The following ARHGEF17 variants were observed in gnomAD, a reference collection of about 807,000 sequenced individuals.
ARHGEF17 encodes the protein Rho guanine nucleotide exchange factor 17, also known as 164 kDa Rho-specific guanine-nucleotide exchange factor.
Under a neutral mutation model 174.0 loss-of-function variants are expected in ARHGEF17, and 80 were observed. The ratio of observed to expected loss-of-function variants is 0.46; its 90% CI spans 0.38 to 0.55. The LOEUF is 0.55. ARHGEF17 is among the 20% of genes least tolerant of loss of function. The probability of loss-of-function intolerance (pLI) is 0.00; values close to 1 mark genes in which losing one functional copy is unlikely to be tolerated. For missense variants in ARHGEF17, 2,886 were observed against 2,839.7 expected, an observed-to-expected ratio of 1.02 and a Z score of -0.37; for synonymous variants, 1,311 against 1,189.1, an observed-to-expected ratio of 1.10 and a Z score of -2.11.
rs755272795 is a variant in ARHGEF17, at chr11:73,310,390, C to A, written c.1752C>A (p.Pro584=). The change falls in exon 1 of 21, where the codon CCC becomes CCA. Residue 584 remains proline (P), a synonymous_variant. Coordinates refer to ENST00000263674, the MANE Select transcript of ARHGEF17 (RefSeq NM_014786.4). The stretch of plus-strand genomic sequence containing the variant: ...CTGGTGCCGAGGAGGATCCGCTGCC[C>A]CTCATCGTCCAGGACCAATATGTGC... ...TGPGAEEDPL[P]LIVQDQYVQE... 3.7e-6 allele frequency: 6 copies of A among 1,613,978 alleles called. No homozygotes were observed. In the South Asian group the frequency reaches 6.6e-5, roughly 18 times the overall value.
intron 9 of ARHGEF17, among the ~76,000 whole-genome samples, chr11:73,359,632 CT>C (rs1349651044): frequency 6.6e-6 from 1 of 152,236 alleles, no homozygotes; most frequent in Non-Finnish European, 1.5e-5. Flanking sequence ...TGAATCAGGC[CT>C]AGTCCCCAGC....
chr11:73,320,169 G>A (rs1289885237), intron 1 of ARHGEF17, among the ~76,000 whole-genome samples: 1 of 152,058 alleles, frequency 6.6e-6, no homozygotes, highest in African/African-American at 2.4e-5. Flanking sequence ...TCATCCCTGA[G>A]AGGCCTAGGG....
intron 3 of ARHGEF17, 29 bp downstream of exon 3, chr11:73,353,041 A>C: frequency 6.2e-7 from 1 of 1,611,294 alleles, no homozygotes; most frequent in Non-Finnish European, 8.5e-7. Flanking sequence ...GCCAATTCCC[A>C]CAAGCACAGG....
At chr11:73,349,314 T>C (rs538476085) in intron 2 of ARHGEF17, among the ~76,000 whole-genome samples, 17 of 152,220 alleles carry the variant, frequency 1.1e-4, no homozygotes, top group African/African-American at 3.9e-4. Flanking sequence ...CTATCTCCCA[T>C]CAAGAAGACT....
chr11:73,308,466 C>G lies in ARHGEF17; in HGVS notation c.-173C>G, dbSNP rs1057235548. The G allele has an allele frequency of 5.2e-6, 3 of 572,248 alleles. No individual in the cohort carries two copies. The highest frequency in any genetic ancestry group is 4.4e-5 in the Admixed American group (1 of 22,798). 35.4% of individuals were successfully genotyped at this position (572,248 alleles called of 1,614,324 possible). A position where few individuals can be genotyped will look rare whatever the true frequency, so the allele number is the denominator to read the frequency against. ...GGGATGGAGACGTTGCGGCCGGTGG[C>G]CACAGAAACTTGAGCCGCGGCAGAG... On this transcript the variant is annotated 5_prime_UTR_variant, in exon 1 of 21. Transcript: ENST00000263674.
At position 73,309,430 on chromosome 11, in the gene ARHGEF17, C is replaced by A. The variant is rs1341598589; in HGVS notation, c.792C>A (p.Ala264=). 4 of 1,545,306 alleles carry A rather than the reference C, an allele frequency of 2.6e-6. No individual in the cohort carries two copies. The highest frequency in any genetic ancestry group is 1.4e-5 in the African/African-American group (1 of 72,626). Residue 264 remains alanine, a synonymous_variant, in exon 1 of 21, where the codon GCC becomes GCA. Transcript: ENST00000263674. The part of the protein sequence containing the change: ...EEEGPPQLPG[A]QSPAYHGGHS... ...AGGGCCCGCCGCAGCTGCCTGGAGC[C>A]CAGAGTCCGGCCTACCACGGCGGCC...
chr11:73,360,173 T>C (rs1214285038), intron 10 of ARHGEF17, 147 bp from the exon 11 acceptor site: 1 of 934,322 alleles, frequency 1.1e-6, no homozygotes, highest in Non-Finnish European at 1.6e-6. Flanking sequence ...AGAGGCCCCA[T>C]CCCCCATATA....
intron 6 of ARHGEF17, 153 bp downstream of exon 6, chr11:73,356,504 C>A: frequency 8.8e-7 from 1 of 1,130,764 alleles, no homozygotes; most frequent in Non-Finnish European, 1.3e-6. Context: ...GCCTCTGTGG[C>A]CACACGTCTC....
intron 2 of ARHGEF17, among the ~76,000 whole-genome samples, chr11:73,349,340 C>T (rs1049033492): frequency 6.6e-6 from 1 of 152,122 alleles, no homozygotes; most frequent in African/African-American, 2.4e-5. Context: ...GTGAGCCAGG[C>T]GCGGAGGCTC....
At chr11:73,356,972 G>T (rs975243253) in intron 7 of ARHGEF17, 53 bp from the exon 8 acceptor site, 1 of 1,586,280 alleles carries the variant, frequency 6.3e-7, no homozygotes, top group Non-Finnish European at 8.6e-7. Context: ...GGGCAGGGGG[G>T]TGGGCTTCTG....
intron 1 of ARHGEF17, among the ~76,000 whole-genome samples, chr11:73,312,383 G>A (rs1158671670): frequency 6.6e-6 from 1 of 152,174 alleles, no homozygotes; most frequent in African/African-American, 2.4e-5. Context: ...TTATGGAGGA[G>A]CAGAGGGGGC....
chr11:73,325,692 T>G (rs1219587076), intron 1 of ARHGEF17, among the ~76,000 whole-genome samples: 2 of 152,130 alleles, frequency 1.3e-5, no homozygotes, highest in Non-Finnish European at 2.9e-5. Context: ...AAAGTTGGAG[T>G]AGATTGGGGC....
intron 1 of ARHGEF17, among the ~76,000 whole-genome samples, chr11:73,329,949 C>T (rs1419657632): frequency 1.3e-5 from 2 of 152,190 alleles, no homozygotes; most frequent in Admixed American, 1.3e-4. Flanking sequence ...ATCTCACCAA[C>T]TCAGACCTTT....
At position 73,356,068 on chromosome 11, in the gene ARHGEF17, A is replaced by G. The variant is rs990863998; in HGVS notation, c.3664-107A>G. 3.8e-6 allele frequency: 6 copies of G among 1,572,866 alleles called. No individual in the cohort carries two copies. In the African/African-American group the frequency reaches 8.1e-5, roughly 21 times the overall value. ...ACATCAGGGTCCCTAGGGGACAGGT[A>G]GGAAAGATAGTCCTCTTTGGTGTCT... On this transcript the variant is annotated intron_variant, in intron 5 of 20. Transcript: ENST00000263674.
chr11:73,355,983 C>A, intron 5 of ARHGEF17, 30 bp downstream of exon 5: 1 of 1,612,956 alleles, frequency 6.2e-7, no homozygotes, highest in South Asian at 1.1e-5. Flanking sequence ...GGCAAGTGGG[C>A]AAGGCCTGGA....
rs752564576 is a variant in ARHGEF17, at chr11:73,311,534, TTTA to T, written c.2898_2900del (p.Phe966_Met967delinsLeu). On this transcript the variant is annotated inframe_deletion, in exon 1 of 21. Transcript: ENST00000263674. ...TCGCCATGCCAGTGTGCCCGCCACA[TTTA>T]TGCCTATTGTGGTGCCTGAGCCACC... 1 of 1,613,500 alleles carries T rather than the reference TTTA, an allele frequency of 6.2e-7. No individual in the cohort carries two copies. Among genetic ancestry groups the T allele is most frequent in the Admixed American group, 1.7e-5 (1 of 60,030 alleles).
intron 18 of ARHGEF17, 173 bp downstream of exon 18, chr11:73,364,773 C>G: frequency 1.3e-6 from 1 of 773,352 alleles, no homozygotes; most frequent in East Asian, 2.8e-5. Flanking sequence ...CTCATTTCTT[C>G]TGTAGCTGAT....
At chr11:73,324,416 G>A (rs1865068934) in intron 1 of ARHGEF17, among the ~76,000 whole-genome samples, 1 of 152,186 alleles carries the variant, frequency 6.6e-6, no homozygotes, top group South Asian at 2.1e-4. Context: ...GCTCCTCTCA[G>A]CTCCCCTTAC....
In ARHGEF17 at chr11:73,352,967, G is replaced by A; in HGVS notation, c.3408G>A (p.Gln1136=). The A allele has an allele frequency of 6.2e-7, 1 of 1,614,098 alleles. No individual in the cohort carries two copies. The highest frequency in any genetic ancestry group is 1.1e-5 in the South Asian group (1 of 91,082). ...TGGAGCAGGTTCGGCACTGCATGCAGACCTGGCATGCCCAGCAGAAGGTGG... is the reference window on the plus strand; with the variant it reads ...TGGAGCAGGTTCGGCACTGCATGCAAACCTGGCATGCCCAGCAGAAGGTGG... The part of the protein sequence containing the change: ...QFLEQVRHCM[Q]TWHAQQKVGA... Residue 1136 remains glutamine (Q), a synonymous_variant, in exon 3 of 21, where the codon CAG becomes CAA. Coordinates refer to ENST00000263674, the MANE Select transcript of ARHGEF17 (RefSeq NM_014786.4).
Sources: gnomAD v4.1 joint callset for allele counts (sites outside exome capture counted in the v4.1 genomes callset) on GRCh38, gnomAD v4.1.1 for gene constraint, MANE v1.5 for transcripts, NCBI Gene and HGNC (gene_info 2026-07-23, HGNC 2026-07-21) for gene names.